PCDHA1: variants seen among roughly 807,000 people sequenced by gnomAD.
PCDHA1 encodes the protein protocadherin alpha-1.
PCDHA1 carries 42 observed loss-of-function variants against 61.3 expected under a neutral mutation model. The observed-to-expected ratio is 0.69, with a 90% CI of 0.54 to 0.89. PCDHA1 has a LOEUF of 0.89. Among genes scored for constraint, PCDHA1 ranks in the 40% least tolerant of loss-of-function variants. The pLI, the probability that PCDHA1 is intolerant of heterozygous loss-of-function variation, is 0.00. For missense variants in PCDHA1, 1,256 were observed against 1,235.3 expected (o/e 1.02, Z -0.25); for synonymous variants, 610 against 553.8 (o/e 1.10, Z -1.43).
chr5:140,924,110 CAGTT>C (rs1462987261), intron 1 of PCDHA1, among the ~76,000 whole-genome samples: 2 of 152,206 alleles, frequency 1.3e-5, no homozygotes, highest in Non-Finnish European at 2.9e-5. Flanking sequence ...CATTCCAAAG[CAGTT>C]AGCTTGCTTA....
rs2150279468 is a variant in PCDHA1, at chr5:140,851,877, A to C, written c.2394+63193A>C. On this transcript the variant is annotated intron_variant, in intron 1 of 3. Coordinates refer to ENST00000504120, the MANE Select transcript of PCDHA1 (RefSeq NM_018900.4). Reference sequence around the variant, plus strand: ...CAGCTCATACATAACACAAGGCAGAAATCTGGATATGAGATTTGCCTCTTT... The same window carrying C: ...CAGCTCATACATAACACAAGGCAGACATCTGGATATGAGATTTGCCTCTTT... 2.0e-6 allele frequency: 2 copies of C among 977,786 alleles called. 1 individual carries two copies. The highest frequency in any genetic ancestry group is 3.5e-5 in the African/African-American group (2 of 56,674). The allele number at this position is 977,786 out of a possible 1,614,324, so 60.6% of individuals were successfully genotyped here.
chr5:140,916,492 C>T (rs1310558218), intron 1 of PCDHA1, among the ~76,000 whole-genome samples: 2 of 152,170 alleles, frequency 1.3e-5, no homozygotes, highest in Admixed American at 6.5e-5. Context: ...GCTCTTTAGT[C>T]AGCAGGTGAT....
chr5:140,927,445 T>C (rs2084204838), intron 1 of PCDHA1: 1 of 1,613,580 alleles, frequency 6.2e-7, no homozygotes, highest in Non-Finnish European at 8.5e-7. Context: ...ATACCCGGAG[T>C]TGGTGTTGGA....
intron 1 of PCDHA1, among the ~76,000 whole-genome samples, chr5:140,961,708 A>C (rs2095630610): frequency 6.6e-6 from 1 of 152,204 alleles, no homozygotes; most frequent in Non-Finnish European, 1.5e-5. Flanking sequence ...GAATGCCTTC[A>C]TTTCTAAGTG....
intron 1 of PCDHA1, among the ~76,000 whole-genome samples, chr5:140,970,698 A>G (rs2096425914): frequency 6.6e-6 from 1 of 152,228 alleles, no homozygotes; most frequent in Non-Finnish European, 1.5e-5. Flanking sequence ...TTTTAGAGCT[A>G]CTACACAATG....
chr5:140,823,316 G>A lies in PCDHA1; in HGVS notation c.2394+34632G>A. The A allele has an allele frequency of 1.2e-6, 2 of 1,612,306 alleles. No individual in the cohort carries two copies. The highest frequency in any genetic ancestry group is 1.1e-5 in the South Asian group (1 of 91,014). On this transcript the variant is annotated intron_variant, in intron 1 of 3. Coordinates refer to ENST00000504120, the MANE Select transcript of PCDHA1 (RefSeq NM_018900.4). ...TACGTTTCGGTGCACGCGGAGAGCG[G>A]CAAGGTGTACGCGCTGCAGCCGCTG...
Position 140,843,369 on chromosome 5 carries a change from C to G in PCDHA1, c.2394+54685C>G, listed in dbSNP as rs2150358449. 8 of 1,596,038 alleles carry G rather than the reference C, an allele frequency of 5.0e-6. 2 individuals are homozygous for G. The highest frequency in any genetic ancestry group is 2.2e-5 in the South Asian group (2 of 90,512). On this transcript the variant is annotated intron_variant, in intron 1 of 3. Transcript: ENST00000504120. ...GCTCCAAAAGCGTCATCGAGGCAGT[C>G]GGCTGGCGTTTTGGGTCCGGAAGCG... is the stretch of plus-strand genomic sequence containing the variant.
chr5:140,898,542 T>G (rs368410152), intron 1 of PCDHA1, among the ~76,000 whole-genome samples: 2 of 152,286 alleles, frequency 1.3e-5, no homozygotes, highest in East Asian at 3.9e-4. Context: ...CTGTTCCATT[T>G]ATCTATGTCT....
intron 1 of PCDHA1, among the ~76,000 whole-genome samples, chr5:140,950,405 T>G (rs1258791881): frequency 3.3e-5 from 5 of 152,042 alleles, no homozygotes; most frequent in African/African-American, 1.2e-4. Flanking sequence ...TCTGGGGGAT[T>G]GACAGATTTT....
At chr5:140,855,946 A>G in intron 1 of PCDHA1, 4 of 1,354,082 alleles carry the variant, frequency 3.0e-6, no homozygotes, top group Non-Finnish European at 4.0e-6. Flanking sequence ...GATCTCAGCC[A>G]TTTCGATAAA....
intron 1 of PCDHA1, chr5:140,830,027 C>G (rs2150179874): frequency 4.3e-6 from 7 of 1,613,884 alleles, no homozygotes; most frequent in Non-Finnish European, 5.1e-6. Flanking sequence ...TCCGCGCCAC[C>G]GGCTGCTGGT....
Position 140,958,548 on chromosome 5 carries a change from A to G in PCDHA1, c.2395-20401A>G, listed in dbSNP as rs185504563. The stretch of plus-strand genomic sequence containing the variant: ...TATGTGTACATTGATTTATGAACCA[A>G]TAAATGTTTCATACACAGTTGAGAT... On this transcript the variant is annotated intron_variant, in intron 1 of 3. Transcript: ENST00000504120. Among the ~76,000 whole-genome samples the G allele has an allele frequency of 5.4e-3, 828 of 152,296 alleles. 8 individuals are homozygous for G. Among genetic ancestry groups the G allele is most frequent in the South Asian group, 1.0e-2 (48 of 4,822 alleles).
chr5:140,982,705 T>A, intron 3 of PCDHA1, 142 bp downstream of exon 3: 1 of 1,376,850 alleles, frequency 7.3e-7, no homozygotes, highest in Non-Finnish European at 9.5e-7. Flanking sequence ...CATGATTTCC[T>A]TACATATATG....
chr5:140,793,308 G>T (rs1451841602), intron 1 of PCDHA1, among the ~76,000 whole-genome samples: 2 of 152,148 alleles, frequency 1.3e-5, no homozygotes, highest in Non-Finnish European at 2.9e-5. Context: ...TCTGAAACCA[G>T]TAATTAATTA....
chr5:140,832,192 A>C (rs1239863320), intron 1 of PCDHA1, among the ~76,000 whole-genome samples: 1 of 152,208 alleles, frequency 6.6e-6, no homozygotes, highest in East Asian at 1.9e-4. Context: ...AAGACATTTA[A>C]CCTGCTGAGT....
intron 1 of PCDHA1, chr5:140,857,944 G>T: frequency 6.3e-7 from 1 of 1,597,474 alleles, no homozygotes. Context: ...AGATCAGTAC[G>T]ACGCGCGCTC....
At chr5:140,995,510 G>A (rs1554254709) in intron 3 of PCDHA1, among the ~76,000 whole-genome samples, 1 of 152,142 alleles carries the variant, frequency 6.6e-6, no homozygotes, top group African/African-American at 2.4e-5. Flanking sequence ...GTGGGTAACT[G>A]AAGCCTCAGA....
chr5:140,942,443 A>G (rs1204508547), intron 1 of PCDHA1, among the ~76,000 whole-genome samples: 2 of 152,100 alleles, frequency 1.3e-5, no homozygotes, highest in African/African-American at 4.8e-5. Flanking sequence ...ATAAACAAGT[A>G]AACTATCAAT....
chr5:140,875,876 A>C, intron 1 of PCDHA1: 1 of 1,614,178 alleles, frequency 6.2e-7, no homozygotes, highest in South Asian at 1.1e-5. Flanking sequence ...GTGTTCAGAG[A>C]AAGGGAACAA....
Sources: gnomAD v4.1 joint callset for allele counts (sites outside exome capture counted in the v4.1 genomes callset) on GRCh38, gnomAD v4.1.1 for gene constraint, MANE v1.5 for transcripts, NCBI Gene and HGNC (gene_info 2026-07-23, HGNC 2026-07-21) for gene names.